Variants in ESR2 observed in about 807,000 individuals in gnomAD.
The protein encoded by ESR2 is estrogen receptor 2.
A neutral mutation model predicts 49.6 loss-of-function variants in ESR2; 36 were observed. The observed-to-expected ratio is 0.73, with a 90% CI of 0.56 to 0.96. ESR2 has a LOEUF of 0.96. Among genes scored for constraint, ESR2 ranks in the 40% least tolerant of loss-of-function variants. ESR2 has a pLI of 0.00. For synonymous variants in ESR2, 320 were observed against 266.1 expected, an observed-to-expected ratio of 1.20 and a Z score of -1.97; for missense variants, 714 against 693.0, an observed-to-expected ratio of 1.03 and a Z score of -0.34.
chr14:64,323,240 C>T (rs963742045), intron 1 of ESR2, among the ~76,000 whole-genome samples: 1 of 152,204 alleles, frequency 6.6e-6, no homozygotes, highest in African/African-American at 2.4e-5. Flanking sequence ...CAGGGTCTCA[C>T]TCTGTTGCCC....
chr14:64,318,998 A>G (rs766643578), intron 1 of ESR2, among the ~76,000 whole-genome samples: 9 of 152,064 alleles, frequency 5.9e-5, no homozygotes, highest in Non-Finnish European at 8.8e-5. Context: ...CTGTGATTGC[A>G]TCACTGCACT....
intron 7 of ESR2, among the ~76,000 whole-genome samples, chr14:64,236,705 A>G (rs996007360): frequency 1.3e-5 from 2 of 151,880 alleles, no homozygotes; most frequent in Admixed American, 6.6e-5. Context: ...TCTTTTGCTC[A>G]TTTATACCCA....
At chr14:64,235,243 C>G in intron 7 of ESR2, 93 bp from the exon 8 acceptor site, 2 of 1,393,856 alleles carry the variant, frequency 1.4e-6, no homozygotes, top group South Asian at 1.3e-5. Context: ...CCGAGGTGAT[C>G]TGGGTTGCTT....
intron 3 of ESR2, among the ~76,000 whole-genome samples, chr14:64,269,799 A>G (rs1256129611): frequency 6.6e-6 from 1 of 152,232 alleles, no homozygotes; most frequent in Non-Finnish European, 1.5e-5. Context: ...AATCTCTAAG[A>G]CAATGGTACT....
At chr14:64,267,744 C>T (rs372499393) in intron 4 of ESR2, among the ~76,000 whole-genome samples, 4 of 150,992 alleles carry the variant, frequency 2.6e-5, no homozygotes, top group African/African-American at 9.7e-5. Flanking sequence ...ATTAGCCAGG[C>T]GTGGTGGTGG....
At chr14:64,292,579 A>T (rs1409178258) in intron 1 of ESR2, among the ~76,000 whole-genome samples, 1 of 152,202 alleles carries the variant, frequency 6.6e-6, no homozygotes, top group African/African-American at 2.4e-5. Context: ...TTCTAGATGT[A>T]TTATCAAAAA....
intron 1 of ESR2, among the ~76,000 whole-genome samples, chr14:64,287,892 C>G (rs2076807237): frequency 6.6e-6 from 1 of 152,198 alleles, no homozygotes. Flanking sequence ...GTACAATGTT[C>G]TGGTACAACA....
At chr14:64,325,545 A>C (rs8004284) in intron 1 of ESR2, among the ~76,000 whole-genome samples, 21,419 of 152,108 alleles carry the variant, frequency 0.14, 2,025 homozygotes, top group African/African-American at 0.27. Context: ...TAAATTATGA[A>C]TATTCCACCT....
At chr14:64,262,591 GGAATT>G (rs2076245337) in intron 4 of ESR2, among the ~76,000 whole-genome samples, 1 of 151,532 alleles carries the variant, frequency 6.6e-6, no homozygotes. Flanking sequence ...CGTCATTAAA[GGAATT>G]GAAACATGGC....
At chr14:64,282,547 T>A in intron 2 of ESR2, 77 bp downstream of exon 2, 2 of 1,424,776 alleles carry the variant, frequency 1.4e-6, no homozygotes, top group Non-Finnish European at 1.9e-6. Flanking sequence ...TCTAACATAT[T>A]ATTTCCTTCT....
chr14:64,277,397 G>A (rs146235275), intron 3 of ESR2, among the ~76,000 whole-genome samples: 1,557 of 152,046 alleles, frequency 0.01, 29 homozygotes, highest in African/African-American at 0.034. Flanking sequence ...AGGCCGAGGC[G>A]GGCGGATCAC....
At chr14:64,281,224 A>G (rs1650057390) in intron 2 of ESR2, among the ~76,000 whole-genome samples, 1 of 152,222 alleles carries the variant, frequency 6.6e-6, no homozygotes, top group Admixed American at 6.5e-5. Flanking sequence ...AGGTTCATAA[A>G]GGAACGAAAA....
intron 1 of ESR2, among the ~76,000 whole-genome samples, chr14:64,309,380 G>A (rs1032465108): frequency 6.6e-6 from 1 of 152,180 alleles, no homozygotes; most frequent in African/African-American, 2.4e-5. Flanking sequence ...GGGAGGCCGA[G>A]GTGGGTGGAT....
At chr14:64,253,586 GTGTGTGTGTGTGTGTGTGTATGTA>G (rs2076033472) in intron 6 of ESR2, among the ~76,000 whole-genome samples, 1 of 137,496 alleles carries the variant, frequency 7.3e-6, no homozygotes. Flanking sequence ...GTGTGTGTGT[GTGTGTGTGTGTGTGTGTGTATGTA>G]TGTGTGTGTA....
intron 6 of ESR2, among the ~76,000 whole-genome samples, chr14:64,253,560 T>TTGTGTGTGTGTGTGTGTGTGTGTG (rs752711685): frequency 2.2e-5 from 3 of 136,538 alleles, no homozygotes; most frequent in Admixed American, 1.5e-4. Context: ...GGTACACTAT[T>TTGTGTGTGTGTGTGTGTGTGTGTG]TGTGTGTGTG....
At chr14:64,272,505 T>TA (rs1249006012) in intron 3 of ESR2, among the ~76,000 whole-genome samples, 2 of 152,246 alleles carry the variant, frequency 1.3e-5, no homozygotes, top group East Asian at 3.8e-4. Context: ...CCCCGTGTTT[T>TA]CTTTTAGTAG....
intron 6 of ESR2, 106 bp downstream of exon 6, chr14:64,257,120 C>A: frequency 9.8e-7 from 1 of 1,021,724 alleles, no homozygotes; most frequent in Admixed American, 1.8e-5. Context: ...TCATCCTCTG[C>A]CCTGCAAGTG....
At chr14:64,302,438 C>T (rs2077036473) in intron 1 of ESR2, among the ~76,000 whole-genome samples, 1 of 152,092 alleles carries the variant, frequency 6.6e-6, no homozygotes, top group South Asian at 2.1e-4. Context: ...CCACCCGCCT[C>T]GGCCTCCCAA....
rs2076910346 is a variant in ESR2, at chr14:64,293,835, TA to T, written c.-91+197del. Among the ~76,000 whole-genome samples, 3 of 152,192 alleles carry T rather than the reference TA, an allele frequency of 2.0e-5. No homozygotes were observed. The South Asian group carries it at 6.2e-4, about 31-fold the overall frequency. On this transcript the variant is annotated intron_variant, in intron 1 of 8. Transcript: ENST00000341099. ...CCCAGAGCTCACGGCACAAACTAAA[TA>T]AGTTAACTTGCCAGTGTCTTGAATG...
Sources: gnomAD v4.1 joint callset for allele counts (sites outside exome capture counted in the v4.1 genomes callset) on GRCh38, gnomAD v4.1.1 for gene constraint, MANE v1.5 for transcripts, NCBI Gene and HGNC (gene_info 2026-07-23, HGNC 2026-07-21) for gene names.